The following GNG2 variants were observed in gnomAD, a reference collection of about 807,000 sequenced individuals.
The protein encoded by GNG2 is G protein subunit gamma 2, also known as guanine nucleotide-binding protein G(I)/G(S)/G(O) subunit gamma-2.
Under a neutral mutation model 5.5 loss-of-function variants are expected in GNG2, and 5 were observed. The observed-to-expected ratio is 0.91, with a 90% CI of 0.48 to 1.92. The LOEUF (loss-of-function observed/expected upper bound fraction) is 1.92, where lower values mean the gene tolerates loss of function less well. Ranked by LOEUF, GNG2 falls within the 30% of genes most tolerant of loss-of-function variation. GNG2 has a pLI of 0.01. For synonymous variants in GNG2, 28 were observed against 32.0 expected (o/e 0.88, Z 0.42); for missense variants, 55 against 88.4 (o/e 0.62, Z 1.52).
At chr14:51,858,733 G>C (rs984285225), upstream of GNG2, among the ~76,000 whole-genome samples, 2 of 152,142 alleles carry the variant, frequency 1.3e-5, no homozygotes, top group African/African-American at 4.8e-5. Context: ...TTTGGCACAA[G>C]GGTTCCTGGT....
chr14:51,928,989 T>A (rs1887503622), intron 2 of GNG2, among the ~76,000 whole-genome samples: 2 of 152,234 alleles, frequency 1.3e-5, no homozygotes, highest in South Asian at 4.1e-4. Flanking sequence ...TTTAAGCATT[T>A]TTAAAGACTT....
chr14:51,957,920 A>C (rs1292838899), intron 3 of GNG2, among the ~76,000 whole-genome samples: 2 of 152,200 alleles, frequency 1.3e-5, no homozygotes, highest in East Asian at 3.8e-4. Flanking sequence ...TGGAGTATTC[A>C]TTTCATTGTA....
chr14:51,959,404 G>T (rs558702959), intron 3 of GNG2, among the ~76,000 whole-genome samples: 13 of 152,086 alleles, frequency 8.5e-5, no homozygotes, highest in African/African-American at 2.9e-4. Context: ...TCATTTGCTT[G>T]GTCCAAAAAC....
chr14:51,856,966 T>C (rs1267520979), upstream of GNG2, among the ~76,000 whole-genome samples: 1 of 152,208 alleles, frequency 6.6e-6, no homozygotes, highest in African/African-American at 2.4e-5. Flanking sequence ...TTTTTGAGAC[T>C]TCCTTTTCCT....
Position 51,966,971 on chromosome 14 carries a change from C to CCT in GNG2, c.*285_*286insTC. ...TTTCTGCTATCCCCCAGCCCCCCCCCCAAAATCCTCATGTTTCTGCTTCAT... is the reference window on the plus strand; with the variant it reads ...TTTCTGCTATCCCCCAGCCCCCCCCCCTCAAAATCCTCATGTTTCTGCTTCAT... On this transcript the variant is annotated 3_prime_UTR_variant, in exon 4 of 4. Coordinates refer to ENST00000556766, the MANE Select transcript of GNG2 (RefSeq NM_053064.5). The CCT allele has an allele frequency of 5.6e-6, 1 of 179,860 alleles. No individual in the cohort carries two copies. The highest frequency in any genetic ancestry group is 1.7e-4 in the South Asian group (1 of 6,006). 11.1% of individuals were successfully genotyped at this position (179,860 alleles called of 1,614,324 possible). A position where few individuals can be genotyped will look rare whatever the true frequency, so the allele number is the denominator to read the frequency against.
chr14:51,954,394 C>T (rs987842896), intron 3 of GNG2, among the ~76,000 whole-genome samples: 4 of 152,110 alleles, frequency 2.6e-5, no homozygotes, highest in African/African-American at 9.7e-5. Context: ...TAGACTCACA[C>T]TAACACTGAC....
At chr14:51,915,808 G>A (rs1198594289) in intron 2 of GNG2, among the ~76,000 whole-genome samples, 5 of 152,216 alleles carry the variant, frequency 3.3e-5, no homozygotes, top group African/African-American at 4.8e-5. Flanking sequence ...TTATGGGTCT[G>A]TGTTTAGAAC....
At chr14:51,907,510 T>C (rs1886006830) in intron 2 of GNG2, among the ~76,000 whole-genome samples, 1 of 152,196 alleles carries the variant, frequency 6.6e-6, no homozygotes, top group African/African-American at 2.4e-5. Flanking sequence ...AAGGAGTCCA[T>C]TCCTCTTTCA....
chr14:51,915,611 A>G (rs1023565806), intron 2 of GNG2, among the ~76,000 whole-genome samples: 10 of 152,252 alleles, frequency 6.6e-5, no homozygotes, highest in Admixed American at 6.5e-5. Context: ...ATTTAAAAGA[A>G]GAAACAAAAG....
At chr14:51,905,770 C>T (rs1885874794) in intron 2 of GNG2, among the ~76,000 whole-genome samples, 1 of 152,000 alleles carries the variant, frequency 6.6e-6, no homozygotes, top group African/African-American at 2.4e-5. Flanking sequence ...GGGGAAGTTT[C>T]CCCCATCCTG....
At chr14:51,869,192 A>G (rs1449013736) in intron 1 of GNG2, among the ~76,000 whole-genome samples, 1 of 152,236 alleles carries the variant, frequency 6.6e-6, no homozygotes, top group Non-Finnish European at 1.5e-5. Context: ...TACTTTAGCT[A>G]GTTTTAAAAA....
Position 51,943,248 on chromosome 14 carries a change from G to A in GNG2, c.-29-7402G>A, listed in dbSNP as rs117328297. Among the ~76,000 whole-genome samples the A allele has an allele frequency of 3.9e-3, 600 of 152,218 alleles. 1 individual carries two copies. Among genetic ancestry groups the A allele is most frequent in the Non-Finnish European group, 5.7e-3 (385 of 68,000 alleles). On this transcript the variant is annotated intron_variant, in intron 2 of 3. Coordinates refer to ENST00000556766, the MANE Select transcript of GNG2 (RefSeq NM_053064.5). ...GAATCACCCTCTTTTTAACCAAAAG[G>A]TTTTTTGTTGTTGTTGTCATTTGTC...
intron 2 of GNG2, among the ~76,000 whole-genome samples, chr14:51,942,589 C>CTTTCTTTCTTTTT (rs761049973): frequency 6.2e-5 from 5 of 81,144 alleles, no homozygotes; most frequent in African/African-American, 3.0e-4. Flanking sequence ...TTCTTTCTTT[C>CTTTCTTTCTTTTT]TTTTTTTTTT....
intron 2 of GNG2, among the ~76,000 whole-genome samples, chr14:51,846,223 A>G (rs1277080665): frequency 6.6e-6 from 1 of 152,272 alleles, no homozygotes; most frequent in Non-Finnish European, 1.5e-5. Flanking sequence ...GAGGTGAGTT[A>G]TCAACCATTT....
At chr14:51,879,278 A>G (rs1244860679) in intron 2 of GNG2, among the ~76,000 whole-genome samples, 1 of 152,234 alleles carries the variant, frequency 6.6e-6, no homozygotes, top group Non-Finnish European at 1.5e-5. Flanking sequence ...AAAAGGAAGT[A>G]TTGTTCTGTA....
At chr14:51,958,438 T>C (rs1889393574) in intron 3 of GNG2, among the ~76,000 whole-genome samples, 1 of 40,970 alleles carries the variant, frequency 2.4e-5, no homozygotes, top group Admixed American at 1.7e-4. Context: ...CTCTCTTCCG[T>C]TCCCCCCCCC....
intron 3 of GNG2, 60 bp downstream of exon 3, chr14:51,950,825 C>T: frequency 1.0e-6 from 1 of 964,724 alleles, no homozygotes; most frequent in Non-Finnish European, 1.5e-6. Flanking sequence ...TGTCATGTGA[C>T]CACTCTTTCC....
chr14:51,865,476 C>T (rs1178329882), intron 1 of GNG2, among the ~76,000 whole-genome samples: 1 of 152,098 alleles, frequency 6.6e-6, no homozygotes, highest in Non-Finnish European at 1.5e-5. Flanking sequence ...TTATAAAGGA[C>T]TTAGTCCCTG....
intron 2 of GNG2, among the ~76,000 whole-genome samples, chr14:51,833,352 C>T (rs1881247625): frequency 6.6e-6 from 1 of 152,032 alleles, no homozygotes; most frequent in Non-Finnish European, 1.5e-5. Context: ...TTTTCCAGTC[C>T]CTCTTTGTTC....
Sources: gnomAD v4.1 joint callset for allele counts (sites outside exome capture counted in the v4.1 genomes callset) on GRCh38, gnomAD v4.1.1 for gene constraint, MANE v1.5 for transcripts, NCBI Gene and HGNC (gene_info 2026-07-23, HGNC 2026-07-21) for gene names.